The following TMEM132C variants were observed in gnomAD, a reference collection of about 807,000 sequenced individuals.
TMEM132C encodes the protein transmembrane protein 132C.
Under a neutral mutation model 61.4 loss-of-function variants are expected in TMEM132C, and 29 were observed. The ratio of observed to expected loss-of-function variants is 0.47; its 90% CI spans 0.35 to 0.64. The LOEUF (loss-of-function observed/expected upper bound fraction) is 0.64, where lower values mean the gene tolerates loss of function less well. Among genes scored for constraint, TMEM132C ranks in the 30% least tolerant of loss-of-function variants. The pLI, the probability that TMEM132C is intolerant of heterozygous loss-of-function variation, is 0.00. For missense variants in TMEM132C, 1,408 were observed against 1,476.9 expected (o/e 0.95, Z 0.76); for synonymous variants, 656 against 633.1 (o/e 1.04, Z -0.54).
chr12:128,310,643 C>T (rs747820235), intron 1 of TMEM132C, among the ~76,000 whole-genome samples: 1 of 152,100 alleles, frequency 6.6e-6, no homozygotes, highest in Non-Finnish European at 1.5e-5. Flanking sequence ...GATCCACCCC[C>T]GTAATCCAGA....
At chr12:128,422,327 C>A (rs891568626) in intron 2 of TMEM132C, among the ~76,000 whole-genome samples, 1 of 152,168 alleles carries the variant, frequency 6.6e-6, no homozygotes, top group African/African-American at 2.4e-5. Flanking sequence ...GTAGGTCAGT[C>A]TTGACCCTGC....
chr12:128,594,759 A>G (rs1875886244), intron 3 of TMEM132C, among the ~76,000 whole-genome samples: 1 of 152,186 alleles, frequency 6.6e-6, no homozygotes, highest in Non-Finnish European at 1.5e-5. Context: ...CCACCTAAAC[A>G]GTTTACTCTA....
chr12:128,486,259 C>G (rs1220370941), intron 2 of TMEM132C, among the ~76,000 whole-genome samples: 2 of 152,074 alleles, frequency 1.3e-5, no homozygotes, highest in Non-Finnish European at 2.9e-5. Flanking sequence ...TATTCAGAGC[C>G]CTTGGTGACT....
intron 4 of TMEM132C, among the ~76,000 whole-genome samples, chr12:128,667,878 G>A (rs188964632): frequency 8.5e-5 from 13 of 152,328 alleles, no homozygotes; most frequent in East Asian, 7.7e-4. Flanking sequence ...GCGTGAAGTC[G>A]TCTGAGCAGG....
chr12:128,376,180 A>G (rs1473952965), intron 1 of TMEM132C, among the ~76,000 whole-genome samples: 2 of 152,242 alleles, frequency 1.3e-5, no homozygotes. Context: ...GATTTTTAGA[A>G]GGAAGTAAAC....
intron 1 of TMEM132C, among the ~76,000 whole-genome samples, chr12:128,339,313 AG>A (rs1872885450): frequency 6.6e-6 from 1 of 151,838 alleles, no homozygotes; most frequent in Admixed American, 6.6e-5. Context: ...ATGGGAGCCC[AG>A]GGGGTTGGAG....
At chr12:128,315,162 T>G (rs1872109694) in intron 1 of TMEM132C, among the ~76,000 whole-genome samples, 1 of 151,994 alleles carries the variant, frequency 6.6e-6, no homozygotes, top group Non-Finnish European at 1.5e-5. Context: ...CACACAACCC[T>G]TGGAGGGGAC....
At chr12:128,363,946 A>G (rs1410129857) in intron 1 of TMEM132C, among the ~76,000 whole-genome samples, 3 of 151,718 alleles carry the variant, frequency 2.0e-5, no homozygotes, top group Non-Finnish European at 4.4e-5. Flanking sequence ...ACTACAACCC[A>G]GGAGAATCTT....
At chr12:128,645,191 T>G (rs1686719023) in intron 4 of TMEM132C, among the ~76,000 whole-genome samples, 4 of 152,180 alleles carry the variant, frequency 2.6e-5, no homozygotes, top group Admixed American at 2.6e-4. Context: ...GTGGAGGGTC[T>G]GGGTGGACTA....
chr12:128,476,904 A>G (rs1044368456), intron 2 of TMEM132C, among the ~76,000 whole-genome samples: 2 of 152,222 alleles, frequency 1.3e-5, no homozygotes, highest in African/African-American at 4.8e-5. Flanking sequence ...GGAAAGTCTC[A>G]ATTATCCACA....
chr12:128,633,036 G>A (rs1403872413), intron 4 of TMEM132C, among the ~76,000 whole-genome samples: 6 of 152,202 alleles, frequency 3.9e-5, no homozygotes, highest in Non-Finnish European at 8.8e-5. Flanking sequence ...GGGTGGTTCT[G>A]TCCTGAGGTC....
chr12:128,497,102 G>A (rs563655453), intron 2 of TMEM132C, among the ~76,000 whole-genome samples: 2 of 152,392 alleles, frequency 1.3e-5, no homozygotes, highest in African/African-American at 4.8e-5. Context: ...GTCCACTCCA[G>A]ACCCTGTTTG....
chr12:128,381,469 G>T (rs1035032964), intron 1 of TMEM132C, among the ~76,000 whole-genome samples: 1 of 152,162 alleles, frequency 6.6e-6, no homozygotes, highest in Non-Finnish European at 1.5e-5. Flanking sequence ...TTCTAGAATC[G>T]AATCTGAGTG....
At position 128,447,802 on chromosome 12, in the gene TMEM132C, C is replaced by T. The variant is rs1324547646; in HGVS notation, c.974+32182C>T. Reference sequence around the variant, plus strand: ...ACTGCAGTGGCGCAATCTCGGCTCACTGCAAGCTCCGCCTCCCGGGTTCAC... The same window carrying T: ...ACTGCAGTGGCGCAATCTCGGCTCATTGCAAGCTCCGCCTCCCGGGTTCAC... On this transcript the variant is annotated intron_variant, in intron 2 of 8. Coordinates refer to ENST00000435159, the MANE Select transcript of TMEM132C (RefSeq NM_001136103.3). Among the ~76,000 whole-genome samples the T allele has an allele frequency of 4.3e-5, 4 of 93,776 alleles. No individual in the cohort carries two copies. In the South Asian group the frequency reaches 1.2e-3, roughly 28 times the overall value. 61.5% of individuals were successfully genotyped at this position (93,776 alleles called of 152,430 possible). A position where few individuals can be genotyped will look rare whatever the true frequency, so the allele number is the denominator to read the frequency against.
intron 3 of TMEM132C, among the ~76,000 whole-genome samples, chr12:128,579,286 A>G (rs1168223858): frequency 6.6e-6 from 1 of 152,196 alleles, no homozygotes; most frequent in African/African-American, 2.4e-5. Context: ...CTTTGTTCAC[A>G]CGTCCAACAT....
At chr12:128,440,847 A>C (rs1313456682) in intron 2 of TMEM132C, among the ~76,000 whole-genome samples, 1 of 152,122 alleles carries the variant, frequency 6.6e-6, no homozygotes, top group Non-Finnish European at 1.5e-5. Flanking sequence ...TGAAGAGTTC[A>C]AGACCAGCCT....
intron 2 of TMEM132C, among the ~76,000 whole-genome samples, chr12:128,536,713 G>A (rs1349132670): frequency 6.6e-6 from 1 of 151,860 alleles, no homozygotes; most frequent in Non-Finnish European, 1.5e-5. Context: ...TCACAAGAAT[G>A]TATCTCCTTC....
At chr12:128,675,946 T>C (rs1216246263) in intron 5 of TMEM132C, among the ~76,000 whole-genome samples, 1 of 152,196 alleles carries the variant, frequency 6.6e-6, no homozygotes, top group African/African-American at 2.4e-5. Context: ...TATCAAGGCC[T>C]TTTAACTCTA....
intron 3 of TMEM132C, among the ~76,000 whole-genome samples, chr12:128,577,007 A>G (rs1875131627): frequency 6.6e-6 from 1 of 152,184 alleles, no homozygotes; most frequent in Admixed American, 6.5e-5. Flanking sequence ...TTCTGCAACC[A>G]TCACCACTGT....
Sources: gnomAD v4.1 joint callset for allele counts (sites outside exome capture counted in the v4.1 genomes callset) on GRCh38, gnomAD v4.1.1 for gene constraint, MANE v1.5 for transcripts, NCBI Gene and HGNC (gene_info 2026-07-23, HGNC 2026-07-21) for gene names.